SNAP29: variants seen among roughly 807,000 people sequenced by gnomAD.
SNAP29 encodes the protein synaptosome associated protein 29.
SNAP29 carries 13 observed loss-of-function variants against 27.9 expected under a neutral mutation model. The observed-to-expected ratio is 0.47, with a 90% CI of 0.30 to 0.74. SNAP29 has a LOEUF of 0.74. SNAP29 is among the 30% of genes least tolerant of loss of function. SNAP29 has a pLI of 0.06. For synonymous variants in SNAP29, 119 were observed against 127.1 expected, an observed-to-expected ratio of 0.94 and a Z score of 0.43; for missense variants, 368 against 336.5, an observed-to-expected ratio of 1.09 and a Z score of -0.73.
chr22:20,859,356 G>A lies in SNAP29; in HGVS notation c.237+9G>A. ...GGGTCGCCTCTTCCGAGGTGAGCCT[G>A]GGGCAGGGCTGGTGTGGACTCGCCG... On this transcript the variant is annotated intron_variant, in intron 1 of 4. Coordinates refer to ENST00000215730, the MANE Select transcript of SNAP29 (RefSeq NM_004782.4). 1 of 1,582,914 alleles carries A rather than the reference G, an allele frequency of 6.3e-7. No individual in the cohort carries two copies. Among genetic ancestry groups the A allele is most frequent in the African/African-American group, 1.3e-5 (1 of 74,462 alleles).
chr22:20,866,950 T>C (rs1928474578), intron 1 of SNAP29, among the ~76,000 whole-genome samples: 1 of 152,140 alleles, frequency 6.6e-6, no homozygotes, highest in Non-Finnish European at 1.5e-5. Flanking sequence ...GTAGCTTTAG[T>C]TTCTGCCTCC....
intron 1 of SNAP29, among the ~76,000 whole-genome samples, chr22:20,869,047 C>T (rs780460199): frequency 9.9e-5 from 15 of 152,010 alleles, no homozygotes; most frequent in Non-Finnish European, 2.2e-4. Context: ...GAGGCCGAGG[C>T]GGGTGGTTCG....
At chr22:20,876,637 G>A (rs1015249773) in intron 2 of SNAP29, among the ~76,000 whole-genome samples, 2 of 146,672 alleles carry the variant, frequency 1.4e-5, no homozygotes, top group East Asian at 2.0e-4. Context: ...GCGTGATCTC[G>A]GCTCACTGCA....
intron 1 of SNAP29, among the ~76,000 whole-genome samples, chr22:20,868,735 G>C (rs1928517957): frequency 6.6e-6 from 1 of 152,236 alleles, no homozygotes; most frequent in Non-Finnish European, 1.5e-5. Flanking sequence ...AAGCTCGAGA[G>C]CCTTCTGGCT....
chr22:20,882,507 A>G (rs1928913076), intron 3 of SNAP29, among the ~76,000 whole-genome samples: 1 of 152,128 alleles, frequency 6.6e-6, no homozygotes, highest in Non-Finnish European at 1.5e-5. Flanking sequence ...GAAGCTCTGG[A>G]ACCCACCATG....
intron 1 of SNAP29, among the ~76,000 whole-genome samples, chr22:20,864,051 A>G (rs178070): frequency 0.31 from 46,836 of 151,778 alleles, 7,544 homozygotes; most frequent in East Asian, 0.43. Flanking sequence ...TGGTGAGTCT[A>G]TTTGCATCCT....
At chr22:20,876,545 A>G (rs1383597555) in intron 2 of SNAP29, among the ~76,000 whole-genome samples, 2 of 148,032 alleles carry the variant, frequency 1.4e-5, no homozygotes, top group Non-Finnish European at 3.0e-5. Context: ...GGCATGAGCC[A>G]CTGTGCCTGG....
chr22:20,868,595 G>T (rs548806495), intron 1 of SNAP29, among the ~76,000 whole-genome samples: 10 of 148,996 alleles, frequency 6.7e-5, no homozygotes, highest in African/African-American at 2.5e-4. Flanking sequence ...TTGTTTTTAG[G>T]CATCAAGAGA....
intron 2 of SNAP29, 82 bp from the exon 3 acceptor site, chr22:20,880,967 C>T: frequency 3.4e-6 from 3 of 876,278 alleles, no homozygotes; most frequent in Non-Finnish European, 5.7e-6. Context: ...AGCACACAGG[C>T]ATTATGTGAA....
chr22:20,860,962 A>G (rs1014660625), intron 1 of SNAP29, among the ~76,000 whole-genome samples: 3 of 151,354 alleles, frequency 2.0e-5, no homozygotes, highest in African/African-American at 7.3e-5. Flanking sequence ...GCTTGAGCCC[A>G]GGATGTCAAG....
At chr22:20,881,693 G>A (rs1928896080) in intron 3 of SNAP29, among the ~76,000 whole-genome samples, 1 of 152,180 alleles carries the variant, frequency 6.6e-6, no homozygotes, top group Non-Finnish European at 1.5e-5. Flanking sequence ...GGCAACAAGA[G>A]TGAAACTCTG....
Position 20,859,031 on chromosome 22 carries a change from G to C in SNAP29, c.-80G>C. The C allele has an allele frequency of 1.4e-6, 2 of 1,392,496 alleles. No individual in the cohort carries two copies. Among genetic ancestry groups the C allele is most frequent in the African/African-American group, 2.9e-5 (2 of 68,778 alleles). 86.3% of individuals were successfully genotyped at this position (1,392,496 alleles called of 1,614,324 possible). On this transcript the variant is annotated 5_prime_UTR_variant, in exon 1 of 5. Coordinates refer to ENST00000215730, the MANE Select transcript of SNAP29 (RefSeq NM_004782.4). ...AGTTCGCGCGACGACCGCGGGGTCG[G>C]CGGGCGGGGCGAGGCCCTGGACGGC...
At chr22:20,881,009 C>T in intron 2 of SNAP29, 40 bp from the exon 3 acceptor site, 2 of 1,387,058 alleles carry the variant, frequency 1.4e-6, no homozygotes, top group Non-Finnish European at 2.1e-6. Flanking sequence ...GGGGTTTTTC[C>T]TTTTTAAACG....
chr22:20,859,199 A>G lies in SNAP29; in HGVS notation c.89A>G (p.Asp30Gly). Residue 30 changes from aspartate (D) to glycine (G), a missense_variant, in exon 1 of 5, where the codon GAC becomes GGC. Coordinates refer to ENST00000215730, the MANE Select transcript of SNAP29 (RefSeq NM_004782.4). ...ARPAPWRDAR[D>G]LPDGPDAPAD... ...CCGGCCCCTTGGAGGGACGCCCGAGACCTCCCCGACGGGCCCGACGCGCCC... is the reference window on the plus strand; with the variant it reads ...CCGGCCCCTTGGAGGGACGCCCGAGGCCTCCCCGACGGGCCCGACGCGCCC... 2 of 1,601,382 alleles carry G rather than the reference A, an allele frequency of 1.2e-6. No homozygotes were observed. Among genetic ancestry groups the G allele is most frequent in the Non-Finnish European group, 1.7e-6 (2 of 1,175,448 alleles).
intron 4 of SNAP29, among the ~76,000 whole-genome samples, chr22:20,885,458 C>T (rs1485295547): frequency 6.6e-6 from 1 of 152,156 alleles, no homozygotes; most frequent in African/African-American, 2.4e-5. Flanking sequence ...GAGCCAAAGA[C>T]TTATCTGAGG....
At chr22:20,868,222 C>T (rs143008029) in intron 1 of SNAP29, among the ~76,000 whole-genome samples, 1 of 152,188 alleles carries the variant, frequency 6.6e-6, no homozygotes, top group African/African-American at 2.4e-5. Context: ...AAAACTAGCC[C>T]TTGCAAGATT....
At chr22:20,868,098 C>T (rs539945863) in intron 1 of SNAP29, among the ~76,000 whole-genome samples, 5 of 152,312 alleles carry the variant, frequency 3.3e-5, no homozygotes, top group African/African-American at 9.6e-5. Flanking sequence ...TTAATCCTAA[C>T]GTATAGCTCT....
intron 1 of SNAP29, among the ~76,000 whole-genome samples, chr22:20,861,205 C>T (rs1382477865): frequency 6.6e-6 from 1 of 150,950 alleles, no homozygotes; most frequent in East Asian, 1.9e-4. Context: ...ACAGCCTCCG[C>T]CTCCTGGGTT....
rs1569111950 is a variant in SNAP29, at chr22:20,859,108, A to G, written c.-3A>G. 1.3e-6 allele frequency: 2 copies of G among 1,599,660 alleles called. No homozygotes were observed. The highest frequency in any genetic ancestry group is 8.5e-7 in the Non-Finnish European group (1 of 1,171,364). ...TTCCCAGACCGAGAGCCGCGCCGGCACCATGTCAGCTTACCCTAAAAGCTA... is the reference window on the plus strand; with the variant it reads ...TTCCCAGACCGAGAGCCGCGCCGGCGCCATGTCAGCTTACCCTAAAAGCTA... On this transcript the variant is annotated 5_prime_UTR_variant, in exon 1 of 5. Transcript: ENST00000215730.
Sources: allele counts gnomAD v4.1 joint callset (sites outside exome capture counted in the v4.1 genomes callset), GRCh38; gene constraint gnomAD v4.1.1; transcripts MANE v1.5; gene names NCBI Gene and HGNC (gene_info 2026-07-23, HGNC 2026-07-21).